Variants in METTL8 observed in about 807,000 individuals in gnomAD.
The protein encoded by METTL8 is methyltransferase 8, tRNA N3-cytidine.
A neutral mutation model predicts 48.7 loss-of-function variants in METTL8; 32 were observed. That is an observed-to-expected ratio of 0.66 (90% confidence interval 0.50 to 0.88). METTL8 has a LOEUF of 0.88. METTL8 is among the 40% of genes least tolerant of loss of function. The probability of loss-of-function intolerance (pLI) is 0.00; values close to 1 mark genes in which losing one functional copy is unlikely to be tolerated. For synonymous variants in METTL8, 136 were observed against 157.1 expected, an observed-to-expected ratio of 0.87 and a Z score of 1.01; for missense variants, 464 against 474.4, an observed-to-expected ratio of 0.98 and a Z score of 0.20.
intron 2 of METTL8, among the ~76,000 whole-genome samples, chr2:171,386,952 C>A (rs1377399202): frequency 1.3e-5 from 2 of 152,096 alleles, no homozygotes; most frequent in Non-Finnish European, 2.9e-5. Flanking sequence ...GCTAGGGCAG[C>A]CAGAGGAGAG....
At chr2:171,366,619 G>C (rs1436094669) in intron 2 of METTL8, among the ~76,000 whole-genome samples, 2 of 152,028 alleles carry the variant, frequency 1.3e-5, no homozygotes, top group Non-Finnish European at 2.9e-5. Context: ...AAGATTTAAA[G>C]AAAAAGATGG....
chr2:171,326,487 A>C lies in METTL8; in HGVS notation c.861-339T>G. ...GAAAATTAAGGTAGTTCTGAGATAG[A>C]CAACAATGGAGTGTGCTTCATTTTC... On this transcript the variant is annotated intron_variant, in intron 7 of 9. Transcript: ENST00000375258. 9.7e-6 allele frequency: 2 copies of C among 206,778 alleles called. 1 individual carries two copies. The highest frequency in any genetic ancestry group is 2.7e-4 in the South Asian group (2 of 7,360). The allele number at this position is 206,778 out of a possible 1,614,324, so 12.8% of individuals were successfully genotyped here. A position where few individuals can be genotyped will look rare whatever the true frequency, so the allele number is the denominator to read the frequency against.
intron 1 of METTL8, among the ~76,000 whole-genome samples, chr2:171,394,312 A>T (rs961233419): frequency 1.3e-5 from 2 of 152,216 alleles, no homozygotes; most frequent in Non-Finnish European, 2.9e-5. Flanking sequence ...TTTCCTACCC[A>T]GGAAAGGCAA....
upstream of METTL8, chr2:171,434,258 A>G (rs1170442942): frequency 2.0e-6 from 1 of 506,862 alleles, no homozygotes; most frequent in East Asian, 5.3e-5. Context: ...GGCACTAGGA[A>G]CTACATTTCC....
chr2:171,341,868 CTT>C (rs1449917965), intron 3 of METTL8, among the ~76,000 whole-genome samples: 9 of 146,980 alleles, frequency 6.1e-5, no homozygotes, highest in Non-Finnish European at 1.4e-4. Flanking sequence ...CACACACACA[CTT>C]GTAGAAGGTA....
At chr2:171,333,277 T>C (rs1685743047) in intron 5 of METTL8, among the ~76,000 whole-genome samples, 1 of 152,104 alleles carries the variant, frequency 6.6e-6, no homozygotes, top group East Asian at 1.9e-4. Flanking sequence ...TTTGTATTTT[T>C]AGTAGAGACA....
intron 1 of METTL8, among the ~76,000 whole-genome samples, chr2:171,394,427 A>T (rs1688866472): frequency 6.6e-6 from 1 of 152,180 alleles, no homozygotes; most frequent in African/African-American, 2.4e-5. Flanking sequence ...TCTCACTATA[A>T]ATGACCAAGA....
At chr2:171,366,746 C>T (rs1004336028) in intron 2 of METTL8, among the ~76,000 whole-genome samples, 1 of 151,828 alleles carries the variant, frequency 6.6e-6, no homozygotes, top group African/African-American at 2.4e-5. Context: ...TGAGTAGGCT[C>T]AGGTGGGCAT....
chr2:171,399,465 G>A (rs1689434152), intron 1 of METTL8, among the ~76,000 whole-genome samples: 1 of 152,090 alleles, frequency 6.6e-6, no homozygotes, highest in Admixed American at 6.6e-5. Flanking sequence ...AAGCCAAGGA[G>A]AAGGTGGTTT....
intron 1 of METTL8, among the ~76,000 whole-genome samples, chr2:171,401,199 G>A (rs1261943922): frequency 2.6e-5 from 4 of 152,196 alleles, no homozygotes; most frequent in South Asian, 2.1e-4. Context: ...CAAATTAAGC[G>A]CTACTGTTGT....
At chr2:171,425,011 G>A (rs375490457) in intron 1 of METTL8, among the ~76,000 whole-genome samples, 8 of 152,154 alleles carry the variant, frequency 5.3e-5, no homozygotes, top group African/African-American at 1.9e-4. Context: ...TCATGATAGT[G>A]AGTGTGTTCT....
At chr2:171,375,640 T>G (rs761226953) in intron 2 of METTL8, among the ~76,000 whole-genome samples, 3 of 152,238 alleles carry the variant, frequency 2.0e-5, no homozygotes, top group Non-Finnish European at 4.4e-5. Flanking sequence ...AATACTTCAT[T>G]TTTACTGTGT....
chr2:171,415,445 C>T (rs1258508872), intron 1 of METTL8, among the ~76,000 whole-genome samples: 12 of 150,758 alleles, frequency 8.0e-5, no homozygotes, highest in Admixed American at 5.3e-4. Context: ...CTCTGCCACC[C>T]GGGTTCAAGC....
intron 2 of METTL8, among the ~76,000 whole-genome samples, chr2:171,366,627 T>G (rs896520010): frequency 2.6e-5 from 4 of 151,986 alleles, no homozygotes; most frequent in African/African-American, 9.7e-5. Context: ...AAGAAAAAGA[T>G]GGACAGAATG....
chr2:171,423,152 T>G (rs1316830450), intron 1 of METTL8, among the ~76,000 whole-genome samples: 1 of 152,220 alleles, frequency 6.6e-6, no homozygotes, highest in African/African-American at 2.4e-5. Context: ...TGTGTTTGCT[T>G]CCCCTTCTGC....
chr2:171,388,238 G>C (rs1688262009), intron 2 of METTL8, among the ~76,000 whole-genome samples: 1 of 152,080 alleles, frequency 6.6e-6, no homozygotes, highest in Admixed American at 6.6e-5. Flanking sequence ...GCCCTTTTCT[G>C]CTTCTAATTC....
chr2:171,333,787 C>T (rs1685790240), intron 5 of METTL8, among the ~76,000 whole-genome samples: 1 of 152,146 alleles, frequency 6.6e-6, no homozygotes, highest in Non-Finnish European at 1.5e-5. Context: ...AGGTTTGAGT[C>T]TCAGCTTTAC....
At chr2:171,337,342 C>T in intron 5 of METTL8, 111 bp downstream of exon 5, 1 of 669,954 alleles carries the variant, frequency 1.5e-6, no homozygotes, top group Non-Finnish European at 2.4e-6. Flanking sequence ...AGCCATTGTT[C>T]ATATAAGAAT....
chr2:171,346,547 A>G (rs1017306070), intron 3 of METTL8, among the ~76,000 whole-genome samples: 7 of 152,226 alleles, frequency 4.6e-5, no homozygotes, highest in African/African-American at 1.2e-4. Context: ...AGAGTTGGCC[A>G]GCATGGGAGA....
Sources: gnomAD v4.1 joint callset for allele counts (sites outside exome capture counted in the v4.1 genomes callset) on GRCh38, gnomAD v4.1.1 for gene constraint, MANE v1.5 for transcripts, NCBI Gene and HGNC (gene_info 2026-07-23, HGNC 2026-07-21) for gene names.